The following STK3 variants were observed in gnomAD, a reference collection of about 807,000 sequenced individuals.
The protein encoded by STK3 is serine/threonine-protein kinase 3.
STK3 carries 41 observed loss-of-function variants against 58.0 expected under a neutral mutation model. The observed-to-expected ratio is 0.71, with a 90% CI of 0.55 to 0.92. The LOEUF is 0.92. STK3 is among the 40% of genes least tolerant of loss of function. STK3 has a pLI of 0.00. For missense variants in STK3, 479 were observed against 602.7 expected, an observed-to-expected ratio of 0.79 and a Z score of 2.15; for synonymous variants, 170 against 191.0, an observed-to-expected ratio of 0.89 and a Z score of 0.91.
At chr8:98,788,552 T>G (rs943366647) in intron 1 of STK3, among the ~76,000 whole-genome samples, 9 of 151,806 alleles carry the variant, frequency 5.9e-5, no homozygotes, top group African/African-American at 2.2e-4. Flanking sequence ...ACATAAGGAC[T>G]CACATAAACT....
chr8:98,615,162 C>G (rs1182093726), intron 6 of STK3, among the ~76,000 whole-genome samples: 10 of 151,772 alleles, frequency 6.6e-5, no homozygotes, highest in Admixed American at 3.3e-4. Flanking sequence ...CCCTGACCCC[C>G]GAGCAGCCTA....
chr8:98,394,343 T>A (rs1184179489), intron 3 of STK3, among the ~76,000 whole-genome samples: 3 of 152,058 alleles, frequency 2.0e-5, no homozygotes, highest in Non-Finnish European at 4.4e-5. Context: ...CTTTTTTTTT[T>A]AAACTCAAAC....
intron 4 of STK3, among the ~76,000 whole-genome samples, chr8:98,732,359 C>T (rs1828269538): frequency 2.0e-5 from 3 of 152,004 alleles, no homozygotes; most frequent in Admixed American, 2.0e-4. Flanking sequence ...AAAAAGAAAA[C>T]TCCAGAAATT....
At chr8:98,350,058 T>C in the STK3 span, among the ~76,000 whole-genome samples, 11,800 of 152,224 alleles carry the variant, frequency 0.078, 558 homozygotes, top group East Asian at 0.24. Context: ...TATTGCATTG[T>C]CAGGCTGCAA....
At chr8:98,878,198 G>A (rs553562734) in intron 3 of STK3, among the ~76,000 whole-genome samples, 2 of 151,900 alleles carry the variant, frequency 1.3e-5, no homozygotes, top group Admixed American at 1.3e-4. Context: ...GATTACAGGT[G>A]TGAGCCACTA....
chr8:98,811,393 G>A (rs1409084432), intron 1 of STK3, among the ~76,000 whole-genome samples: 1 of 152,110 alleles, frequency 6.6e-6, no homozygotes, highest in Non-Finnish European at 1.5e-5. Flanking sequence ...AGTCATAAGT[G>A]TTACTGCTAT....
intron 1 of STK3, among the ~76,000 whole-genome samples, chr8:98,900,427 A>T (rs891230621): frequency 4.6e-5 from 7 of 152,046 alleles, no homozygotes; most frequent in African/African-American, 1.7e-4. Flanking sequence ...CTAATTGAAC[A>T]TTACCACAAG....
intron 8 of STK3, among the ~76,000 whole-genome samples, chr8:98,563,889 T>C (rs1812259183): frequency 6.6e-6 from 1 of 152,082 alleles, no homozygotes; most frequent in African/African-American, 2.4e-5. Context: ...GAGACAAATC[T>C]CCTGTGTAGA....
intron 9 of STK3, among the ~76,000 whole-genome samples, chr8:98,543,960 A>C (rs755365829): frequency 1.1e-4 from 16 of 152,208 alleles, no homozygotes; most frequent in Non-Finnish European, 1.9e-4. Flanking sequence ...ACATTAGGGC[A>C]GTGGAGTTTA....
chr8:98,867,372 C>A (rs1837183753), intron 3 of STK3, among the ~76,000 whole-genome samples: 1 of 152,182 alleles, frequency 6.6e-6, no homozygotes. Context: ...CGAGATCGCG[C>A]CCCTGCGTTC....
intron 1 of STK3, among the ~76,000 whole-genome samples, chr8:98,815,305 A>T (rs900856944): frequency 5.3e-5 from 8 of 152,258 alleles, no homozygotes; most frequent in Non-Finnish European, 1.2e-4. Flanking sequence ...TTTTGGCAGA[A>T]TATCCATAGT....
intron 1 of STK3, among the ~76,000 whole-genome samples, chr8:98,813,966 T>C (rs1444962077): frequency 6.6e-6 from 1 of 151,960 alleles, no homozygotes; most frequent in East Asian, 1.9e-4. Context: ...ATAAGGCTCA[T>C]ACATTTTAAT....
intron 1 of STK3, among the ~76,000 whole-genome samples, chr8:98,783,307 AAAT>A (rs1223909655): frequency 6.6e-6 from 1 of 152,198 alleles, no homozygotes; most frequent in East Asian, 1.9e-4. Context: ...CTTAATATAA[AAAT>A]AATGTTTGAG....
intron 10 of STK3, among the ~76,000 whole-genome samples, chr8:98,464,040 TTAAA>T (rs1489464661): frequency 6.6e-6 from 1 of 152,146 alleles, no homozygotes; most frequent in African/African-American, 2.4e-5. Context: ...TAGCAACTGT[TTAAA>T]TAAATCTTGC....
Position 98,748,031 on chromosome 8 carries a change from A to G in STK3, c.351+1245T>C, listed in dbSNP as rs73277823. On this transcript the variant is annotated intron_variant, in intron 4 of 10. Transcript: ENST00000419617. ...ACAGTTGTAATTATTGGCAACAAGC[A>G]TTAAACTTCTTGGATCAAATACTTC... 5.5e-3 allele frequency among the ~76,000 whole-genome samples: 833 copies of G among 152,338 alleles called. 6 individuals are homozygous for G. The highest frequency in any genetic ancestry group is 0.02 in the Middle Eastern group (6 of 294).
At chr8:98,439,302 C>T (rs1398932499) in intron 1 of STK3, 2 of 152,080 alleles carry the variant, frequency 1.3e-5, no homozygotes, top group Non-Finnish European at 2.9e-5. Context: ...AATTGCGGGT[C>T]CCTGTGGAGT....
chr8:98,372,771 C>A (rs971804486), intron 2 of STK3, among the ~76,000 whole-genome samples: 6 of 152,182 alleles, frequency 3.9e-5, no homozygotes, highest in African/African-American at 1.4e-4. Context: ...ATGAGAAGAG[C>A]ATGGGTTGTG....
At chr8:98,930,150 G>A (rs1473775634) in intron 1 of STK3, among the ~76,000 whole-genome samples, 2 of 152,254 alleles carry the variant, frequency 1.3e-5, no homozygotes, top group East Asian at 3.9e-4. Context: ...GTCCCTGTAA[G>A]CTGAGGCCTA....
chr8:98,592,733 CTTTA>C (rs10557286), intron 7 of STK3, among the ~76,000 whole-genome samples: 24,383 of 139,402 alleles, frequency 0.17, 2,393 homozygotes, highest in African/African-American at 0.28. Context: ...CACTGACTTA[CTTTA>C]TTTATTTATT....
Sources: allele counts gnomAD v4.1 joint callset (sites outside exome capture counted in the v4.1 genomes callset), GRCh38; gene constraint gnomAD v4.1.1; transcripts MANE v1.5; gene names NCBI Gene and HGNC (gene_info 2026-07-23, HGNC 2026-07-21).